SUCO: variants seen among roughly 807,000 people sequenced by gnomAD.
SUCO encodes SUN domain-containing ossification factor.
In SUCO, 57 loss-of-function variants were observed where a neutral mutation model predicts 148.1. That is an observed-to-expected ratio of 0.38 (90% CI 0.31 to 0.48). SUCO has a LOEUF of 0.48. Ranked by LOEUF, SUCO falls within the 20% of genes least tolerant of loss-of-function variation. The probability of loss-of-function intolerance (pLI) is 0.96; values close to 1 mark genes in which losing one functional copy is unlikely to be tolerated. For synonymous variants in SUCO, 470 were observed against 502.7 expected, an observed-to-expected ratio of 0.93 and a Z score of 0.87; for missense variants, 1,331 against 1,468.2, an observed-to-expected ratio of 0.91 and a Z score of 1.53.
At chr1:172,591,828 A>G (rs1175118264) in intron 19 of SUCO, among the ~76,000 whole-genome samples, 1 of 152,064 alleles carries the variant, frequency 6.6e-6, no homozygotes, top group Non-Finnish European at 1.5e-5. Context: ...TGGTATTTCT[A>G]GTTCTAGATC....
chr1:172,590,380 T>G, intron 18 of SUCO: 1 of 984,990 alleles, frequency 1.0e-6, no homozygotes, highest in African/African-American at 1.7e-5. Flanking sequence ...TGCAGTTTGC[T>G]CTCTTTTAAA....
rs1038225388 is a variant in SUCO at position 172,576,980 on chromosome 1, C to A, written c.1264-559C>A. On this transcript the variant is annotated intron_variant, in intron 11 of 23. Coordinates refer to ENST00000263688, the MANE Select transcript of SUCO (RefSeq NM_014283.5). ...CGAAAGGCCAATTGGTATATATCTT[C>A]CACTTCTGTAAGTTGTACTTGAAAT... 5 of 679,148 alleles carry A rather than the reference C, an allele frequency of 7.4e-6. No individual in the cohort carries two copies. The African/African-American group carries it at 9.8e-5, about 13-fold the overall frequency. The allele number at this position is 679,148 out of a possible 1,614,324, so 42.1% of individuals were successfully genotyped here.
At chr1:172,540,117 A>G (rs1182539364) in intron 1 of SUCO, among the ~76,000 whole-genome samples, 1 of 152,198 alleles carries the variant, frequency 6.6e-6, no homozygotes, top group African/African-American at 2.4e-5. Flanking sequence ...AAAGATGAAG[A>G]AAGGTGGGCA....
Position 172,570,126 on chromosome 1 carries a change from A to G in SUCO, c.936A>G (p.Ser312=). The change falls in exon 8 of 24, where the codon TCA becomes TCG. Residue 312 remains serine, a synonymous_variant. Transcript: ENST00000263688. ...AGAAAAATCGAAATAATTATGCCTCAGTAGAATGTGGTGCCAAAATTCTAG... is the reference window on the plus strand; with the variant it reads ...AGAAAAATCGAAATAATTATGCCTCGGTAGAATGTGGTGCCAAAATTCTAG... ...KVQKNRNNYA[S]VECGAKILAA... 1.9e-6 allele frequency: 3 copies of G among 1,590,802 alleles called. No homozygotes were observed. Among genetic ancestry groups the G allele is most frequent in the South Asian group, 1.2e-5 (1 of 86,548 alleles).
At chr1:172,551,758 A>G (rs1416288415) in intron 2 of SUCO, 132 bp downstream of exon 2, 2 of 588,534 alleles carry the variant, frequency 3.4e-6, no homozygotes, top group Admixed American at 3.2e-5. Context: ...TTTCTTTGCT[A>G]TTACTCAGGT....
chr1:172,593,049 G>A (rs1034600629), intron 19 of SUCO, among the ~76,000 whole-genome samples: 6 of 149,880 alleles, frequency 4.0e-5, no homozygotes, highest in African/African-American at 1.5e-4. Context: ...GTGAATGAGA[G>A]TTCACTCATG....
chr1:172,571,119 G>T (rs539120581), intron 9 of SUCO, among the ~76,000 whole-genome samples: 4 of 152,244 alleles, frequency 2.6e-5, no homozygotes, highest in Non-Finnish European at 5.9e-5. Flanking sequence ...TAAGAATAAG[G>T]GGGGTACTGC....
intron 22 of SUCO, among the ~76,000 whole-genome samples, chr1:172,606,849 C>T (rs574939378): frequency 1.3e-4 from 20 of 151,902 alleles, no homozygotes; most frequent in Non-Finnish European, 2.7e-4. Context: ...TATTACTTCT[C>T]CGTATATCTT....
In SUCO at chr1:172,589,903, C is replaced by T; in HGVS notation, c.2802C>T (p.Arg934=). The T allele has an allele frequency of 6.5e-7, 1 of 1,528,462 alleles. No homozygotes were observed. The allele number at this position is 1,528,462 out of a possible 1,614,324, so 94.7% of individuals were successfully genotyped here. ...AAGTTAACATGTCTCTCAGTGGTCGCTATCTGGAGGAGCTTAGCCAAAGGT... is the reference window on the plus strand; with the variant it reads ...AAGTTAACATGTCTCTCAGTGGTCGTTATCTGGAGGAGCTTAGCCAAAGGT... ...ALEVNMSLSG[R]YLEELSQRYR... The change falls in exon 18 of 24, where the codon CGC becomes CGT. Residue 934 remains arginine, a synonymous_variant. Transcript: ENST00000263688.
chr1:172,579,638 G>T (rs1307317743), intron 15 of SUCO, among the ~76,000 whole-genome samples: 2 of 151,950 alleles, frequency 1.3e-5, no homozygotes, highest in African/African-American at 4.8e-5. Flanking sequence ...AATATAAAGG[G>T]TGCTCCTACC....
intron 19 of SUCO, among the ~76,000 whole-genome samples, chr1:172,597,670 C>T (rs890697097): frequency 3.3e-5 from 5 of 152,032 alleles, no homozygotes; most frequent in Non-Finnish European, 7.4e-5. Context: ...TATGACCGTT[C>T]CCCTATCTTG....
At chr1:172,546,013 C>T (rs979705895) in intron 1 of SUCO, among the ~76,000 whole-genome samples, 6 of 152,036 alleles carry the variant, frequency 3.9e-5, no homozygotes, top group African/African-American at 1.4e-4. Flanking sequence ...CTCACCGCAG[C>T]CTTGACCTCC....
In SUCO at chr1:172,550,525, T is replaced by C. The variant is rs562507592; in HGVS notation, c.63-987T>C. On this transcript the variant is annotated intron_variant, in intron 1 of 23. Transcript: ENST00000263688. The stretch of plus-strand genomic sequence containing the variant: ...TGAATTTTCCAATTATATAAACTCA[T>C]CTGCAGTTAATGCAGATACACTCAT... 3.3e-5 allele frequency among the ~76,000 whole-genome samples: 5 copies of C among 152,114 alleles called. No individual in the cohort carries two copies. In the South Asian group the frequency reaches 1.0e-3, roughly 32 times the overall value.
chr1:172,557,087 A>T, intron 4 of SUCO, 193 bp from the exon 5 acceptor site: 1 of 979,860 alleles, frequency 1.0e-6, no homozygotes, highest in African/African-American at 1.7e-5. Context: ...ACCAAATATT[A>T]ACCTCATATT....
chr1:172,590,326 TAAGTG>T, intron 18 of SUCO: 1 of 985,128 alleles, frequency 1.0e-6, no homozygotes, highest in South Asian at 4.7e-5. Flanking sequence ...AGAGTTTAGA[TAAGTG>T]AAGACAGAGA....
At chr1:172,596,213 A>T (rs1240660766) in intron 19 of SUCO, among the ~76,000 whole-genome samples, 1 of 152,078 alleles carries the variant, frequency 6.6e-6, no homozygotes, top group Non-Finnish European at 1.5e-5. Flanking sequence ...CTTCTTTGTG[A>T]TGGGTTTGAA....
chr1:172,573,420 G>C (rs1242332412), intron 9 of SUCO, among the ~76,000 whole-genome samples: 1 of 151,982 alleles, frequency 6.6e-6, no homozygotes, highest in East Asian at 1.9e-4. Context: ...TGCCCTTATA[G>C]ACTGTGTGTA....
rs569454589 is a variant in SUCO at position 172,591,469 on chromosome 1, C to A, written c.2913+398C>A. ...AACAGGCCCTGGTGTGTGATGTTCC[C>A]CACCCTGTGTCCAAGTATTCTCATT... On this transcript the variant is annotated intron_variant, in intron 19 of 23. Transcript: ENST00000263688. 6.9e-5 allele frequency among the ~76,000 whole-genome samples: 9 copies of A among 130,272 alleles called. No individual in the cohort carries two copies. The South Asian group carries it at 2.4e-3, about 35-fold the overall frequency. 85.5% of individuals were successfully genotyped at this position (130,272 alleles called of 152,430 possible). A position where few individuals can be genotyped will look rare whatever the true frequency, so the allele number is the denominator to read the frequency against.
chr1:172,553,038 A>G (rs1201565545), intron 2 of SUCO, among the ~76,000 whole-genome samples: 1 of 152,110 alleles, frequency 6.6e-6, no homozygotes, highest in Admixed American at 6.5e-5. Context: ...AAGAAATCAA[A>G]TGAAGTTCTT....
Sources: allele counts gnomAD v4.1 joint callset (sites outside exome capture counted in the v4.1 genomes callset), GRCh38; gene constraint gnomAD v4.1.1; transcripts MANE v1.5; gene names NCBI Gene and HGNC (gene_info 2026-07-23, HGNC 2026-07-21).